The following ORC1 variants were observed in gnomAD, a reference collection of about 807,000 sequenced individuals.
ORC1 encodes origin recognition complex, subunit 1 homolog.
Under a neutral mutation model 98.9 loss-of-function variants are expected in ORC1, and 61 were observed. That is an observed-to-expected ratio of 0.62 (90% confidence interval 0.50 to 0.76). ORC1 has a LOEUF of 0.76. Among genes scored for constraint, ORC1 ranks in the 30% least tolerant of loss-of-function variants. The pLI is 0.00. For missense variants in ORC1, 979 were observed against 1,072.2 expected (o/e 0.91, Z 1.21); for synonymous variants, 385 against 406.9 (o/e 0.95, Z 0.65).
In ORC1 at chr1:52,381,662, TG is replaced by T; in HGVS notation, c.2112del (p.Ile705SerfsTer4). 3.7e-6 allele frequency: 6 copies of T among 1,612,982 alleles called. No homozygotes were observed. The highest frequency in any genetic ancestry group is 5.1e-6 in the Non-Finnish European group (6 of 1,179,796). ...LKHLKAFEDD[A>X]IQLVARKVAA... The stretch of plus-strand genomic sequence containing the variant: ...CTTACCTTCCTGGCTACCAGCTGGA[TG>T]GCATCATCTTCAAAGGCCTTTAGAT... On this transcript the variant is annotated frameshift_variant, in exon 14 of 17. Coordinates refer to ENST00000371568, the MANE Select transcript of ORC1 (RefSeq NM_004153.4). LOFTEE classifies it high-confidence loss of function.
At chr1:52,397,527 T>C (rs1467623724) in intron 4 of ORC1, among the ~76,000 whole-genome samples, 158 bp downstream of exon 4, 2 of 152,084 alleles carry the variant, frequency 1.3e-5, no homozygotes, top group African/African-American at 2.4e-5. Context: ...TCAATAAATA[T>C]CTGTTGAGAT....
At chr1:52,382,749 T>C (rs1474947438) in intron 13 of ORC1, among the ~76,000 whole-genome samples, 1 of 151,908 alleles carries the variant, frequency 6.6e-6, no homozygotes, top group African/African-American at 2.4e-5. Flanking sequence ...CTGGCTAATT[T>C]TTGTCTGTTT....
At chr1:52,388,293 T>G in intron 8 of ORC1, 149 bp downstream of exon 8, 1 of 805,496 alleles carries the variant, frequency 1.2e-6, no homozygotes, top group Non-Finnish European at 2.2e-6. Context: ...TTAGGTCCCC[T>G]TCTCCATGAA....
rs776431601 is a variant in ORC1 at position 52,401,447 on chromosome 1, G to A, written c.138C>T (p.His46=). ...TCAACACAAACTGTCCAATCTGGATGTGAATCTCGGTGGAACAACCTTCTG... is the reference window on the plus strand; with the variant it reads ...TCAACACAAACTGTCCAATCTGGATATGAATCTCGGTGGAACAACCTTCTG... The part of the protein sequence containing the change: ...VKTEGCSTEI[H]IQIGQFVLIE... Residue 46 remains histidine (H), a synonymous_variant, in exon 3 of 17, where the codon CAC becomes CAT. Transcript: ENST00000371568. 1.9e-6 allele frequency: 3 copies of A among 1,614,014 alleles called. No homozygotes were observed. Among genetic ancestry groups the A allele is most frequent in the Admixed American group, 3.3e-5 (2 of 60,016 alleles).
rs565290951 is a variant in ORC1 at position 52,375,742 on chromosome 1, A to G, written c.2134-143T>C. 4.3e-5 allele frequency: 33 copies of G among 762,458 alleles called. 1 individual carries two copies. In the South Asian group the frequency reaches 4.9e-4, roughly 11 times the overall value. 47.2% of individuals were successfully genotyped at this position (762,458 alleles called of 1,614,324 possible). A position where few individuals can be genotyped will look rare whatever the true frequency, so the allele number is the denominator to read the frequency against. Reference sequence around the variant, plus strand: ...CCTGGAGGAAGAATAGAAATGAATTATTACATTGTGCATGGGACTCTAATC... The same window carrying G: ...CCTGGAGGAAGAATAGAAATGAATTGTTACATTGTGCATGGGACTCTAATC... On this transcript the variant is annotated intron_variant, in intron 14 of 16. Transcript: ENST00000371568.
At position 52,383,847 on chromosome 1, in the gene ORC1, C is replaced by T. The variant is rs757592121; in HGVS notation, c.1846G>A (p.Val616Ile). 16 of 1,613,714 alleles carry T rather than the reference C, an allele frequency of 9.9e-6. No homozygotes were observed. Among genetic ancestry groups the T allele is most frequent in the East Asian group, 2.2e-5 (1 of 44,892 alleles). Reference sequence around the variant, plus strand: ...CACCTCACCTCATCCACAAGCAGGACGGTGGTTTCCTGAGGTGACCCTCGG... The same window carrying T: ...CACCTCACCTCATCCACAAGCAGGATGGTGGTTTCCTGAGGTGACCCTCGG... ...CTRGSPQETT[V>I]LLVDELDLLW... Residue 616 changes from valine to isoleucine, a missense_variant, in exon 12 of 17, where the codon GTC becomes ATC. By Grantham distance (29) the Val-to-Ile change is conservative. Transcript: ENST00000371568.
chr1:52,378,689 C>T (rs1647025052), intron 14 of ORC1, among the ~76,000 whole-genome samples: 1 of 150,796 alleles, frequency 6.6e-6, no homozygotes, highest in African/African-American at 2.4e-5. Flanking sequence ...ACAACCCACC[C>T]CAAGACTCTA....
intron 7 of ORC1, 95 bp downstream of exon 7, chr1:52,389,122 T>C (rs1197577089): frequency 5.4e-6 from 5 of 922,240 alleles, no homozygotes; most frequent in African/African-American, 1.6e-5. Context: ...TTTCAATGGA[T>C]TGGCAAATAA....
rs1569920188 is a variant in ORC1 at position 52,383,469 on chromosome 1, G to A, written c.1964C>T (p.Thr655Ile). 1 of 1,613,456 alleles carries A rather than the reference G, an allele frequency of 6.2e-7. No individual in the cohort carries two copies. ...ARLVVLAIAN[T>I]MDLPERIMMN... is the part of the protein sequence containing the mutation. The stretch of plus-strand genomic sequence containing the variant: ...CATGATTCGCTCTGGCAGGTCCATT[G>A]TGTTGGCAATTGCCAGGACCACAAG... Residue 655 changes from threonine (T) to isoleucine (I), a missense_variant, in exon 13 of 17, where the codon ACA becomes ATA. Physicochemically the swap from Thr to Ile is moderately conservative, Grantham distance 89. Coordinates refer to ENST00000371568, the MANE Select transcript of ORC1 (RefSeq NM_004153.4).
At position 52,401,358 on chromosome 1, in the gene ORC1, T is replaced by C; in HGVS notation, c.223+4A>G. The C allele has an allele frequency of 6.2e-7, 1 of 1,613,988 alleles. No individual in the cohort carries two copies. On this transcript the variant is annotated splice_donor_region_variant and intron_variant, in intron 3 of 16. Transcript: ENST00000371568. Reference sequence around the variant, plus strand: ...ATGGTTTATTATTCCAGTCCCAAACTCACCATCTTCGAACAACTCAAGCAA... The same window carrying C: ...ATGGTTTATTATTCCAGTCCCAAACCCACCATCTTCGAACAACTCAAGCAA...
chr1:52,402,298 T>C (rs1040821059), intron 1 of ORC1, 70 bp from the exon 2 acceptor site: 6 of 1,137,968 alleles, frequency 5.3e-6, no homozygotes, highest in Non-Finnish European at 8.0e-6. Context: ...TTCTAAGACA[T>C]AGTCAGTCCC....
intron 6 of ORC1, among the ~76,000 whole-genome samples, chr1:52,390,861 C>T (rs549820233): frequency 1.4e-5 from 2 of 145,648 alleles, no homozygotes; most frequent in Non-Finnish European, 3.0e-5. Context: ...CATTGCACTC[C>T]AGCCTGGACA....
At chr1:52,397,143 C>A (rs1005214721) in intron 4 of ORC1, among the ~76,000 whole-genome samples, 2 of 152,210 alleles carry the variant, frequency 1.3e-5, no homozygotes, top group Non-Finnish European at 2.9e-5. Context: ...GCTCAATGAA[C>A]CACATAATCA....
Position 52,402,154 on chromosome 1 carries a change from G to T in ORC1, c.70C>A (p.Arg24=), listed in dbSNP as rs1263248699. 6.2e-7 allele frequency: 1 copy of T among 1,613,986 alleles called. No individual in the cohort carries two copies. Among genetic ancestry groups the T allele is most frequent in the Admixed American group, 1.7e-5 (1 of 59,998 alleles). The change falls in exon 2 of 17, where the codon CGA becomes AGA. Residue 24 remains arginine (R), a synonymous_variant. Transcript: ENST00000371568. ...CTATAGGTTTGGTAGTGCAGTTTTC[G>T]ATCCAACAAGGGCCTGCCAACCCAT... ...YSWVGRPLLD[R]KLHYQTYREM... is the part of the protein sequence containing the mutation.
chr1:52,394,824 A>AT (rs1001225559), intron 5 of ORC1, among the ~76,000 whole-genome samples: 120 of 152,102 alleles, frequency 7.9e-4, no homozygotes, highest in African/African-American at 2.4e-3. Flanking sequence ...AATTTTTTGC[A>AT]TTTTTAGTAG....
chr1:52,391,239 G>A (rs1370705256), intron 6 of ORC1, among the ~76,000 whole-genome samples: 2 of 150,160 alleles, frequency 1.3e-5, no homozygotes, highest in Non-Finnish European at 3.0e-5. Context: ...AACCCGGGAG[G>A]CAGAGGTTGC....
chr1:52,393,414 T>A (rs1270318975), intron 6 of ORC1, 29 bp downstream of exon 6: 1 of 1,613,810 alleles, frequency 6.2e-7, no homozygotes, highest in African/African-American at 1.3e-5. Flanking sequence ...AGGATTTCAA[T>A]TTGCTCTGTG....
At chr1:52,394,897 G>A (rs59262001) in intron 5 of ORC1, among the ~76,000 whole-genome samples, 33 of 152,238 alleles carry the variant, frequency 2.2e-4, no homozygotes, top group Non-Finnish European at 7.4e-5. Flanking sequence ...TGATCCACCC[G>A]CCTCGGCCTC....
In ORC1 at chr1:52,393,816, A is replaced by G; in HGVS notation, c.722-13T>C. The G allele has an allele frequency of 6.2e-7, 1 of 1,610,666 alleles. No individual in the cohort carries two copies. Among genetic ancestry groups the G allele is most frequent in the East Asian group, 2.2e-5 (1 of 44,884 alleles). On this transcript the variant is annotated splice_polypyrimidine_tract_variant and intron_variant, in intron 5 of 16. Transcript: ENST00000371568. ...GGGTTACCTAAGTCTAAGAGAAATCATCACAATGTGTAAATTTTTTACCTA... is the reference window on the plus strand; with the variant it reads ...GGGTTACCTAAGTCTAAGAGAAATCGTCACAATGTGTAAATTTTTTACCTA...
Sources: allele counts gnomAD v4.1 joint callset (sites outside exome capture counted in the v4.1 genomes callset), GRCh38; gene constraint gnomAD v4.1.1; transcripts MANE v1.5; gene names NCBI Gene and HGNC (gene_info 2026-07-23, HGNC 2026-07-21).